The following SLC36A1 variants were observed in gnomAD, a reference collection of about 807,000 sequenced individuals.
The protein encoded by SLC36A1 is solute carrier family 36 member 1.
In SLC36A1, 30 loss-of-function variants were observed where a neutral mutation model predicts 47.5. The observed-to-expected ratio is 0.63, with a 90% confidence interval of 0.47 to 0.86. SLC36A1 has a LOEUF of 0.86. Among genes scored for constraint, SLC36A1 ranks in the 40% least tolerant of loss-of-function variants. The pLI, the probability that SLC36A1 is intolerant of heterozygous loss-of-function variation, is 0.00. For missense variants in SLC36A1, 517 were observed against 606.0 expected, an observed-to-expected ratio of 0.85 and a Z score of 1.54; for synonymous variants, 255 against 249.7, an observed-to-expected ratio of 1.02 and a Z score of -0.20.
the SLC36A1 span, among the ~76,000 whole-genome samples, chr5:151,399,662 A>G: frequency 6.6e-6 from 1 of 152,186 alleles, no homozygotes; most frequent in Non-Finnish European, 1.5e-5. Flanking sequence ...TGAACATCAT[A>G]GTGTGTAAAT....
At chr5:151,411,838 A>G in the SLC36A1 span, among the ~76,000 whole-genome samples, 1 of 144,720 alleles carries the variant, frequency 6.9e-6, no homozygotes, top group Non-Finnish European at 1.5e-5. Context: ...CCTCCTTCAT[A>G]GCATTAATAT....
the SLC36A1 span, among the ~76,000 whole-genome samples, chr5:151,498,112 T>C: frequency 6.6e-6 from 1 of 151,882 alleles, no homozygotes; most frequent in South Asian, 2.1e-4. Flanking sequence ...GCCCGACTAA[T>C]TTTTGTATTT....
the SLC36A1 span, among the ~76,000 whole-genome samples, chr5:151,392,986 A>T: frequency 1.2e-4 from 18 of 151,912 alleles, no homozygotes; most frequent in Non-Finnish European, 1.9e-4. Context: ...TGATCTGTCT[A>T]ATGTTGACAG....
At chr5:151,382,410 G>A in the SLC36A1 span, 1 of 665,798 alleles carries the variant, frequency 1.5e-6, no homozygotes, top group Non-Finnish European at 2.7e-6. Flanking sequence ...CTCCAGGCAA[G>A]CTCCTTGCTC....
the SLC36A1 span, among the ~76,000 whole-genome samples, chr5:151,394,186 T>C: frequency 6.6e-6 from 1 of 152,360 alleles, no homozygotes; most frequent in Admixed American, 6.5e-5. Context: ...TTCTTCCAGT[T>C]GATTGAATCA....
the SLC36A1 span, among the ~76,000 whole-genome samples, chr5:151,417,612 G>T: frequency 7.2e-5 from 11 of 152,310 alleles, no homozygotes; most frequent in East Asian, 1.5e-3. Flanking sequence ...AAGCACTCAA[G>T]AGGTAACTAG....
chr5:151,363,090 T>G, the SLC36A1 span, among the ~76,000 whole-genome samples: 1 of 152,220 alleles, frequency 6.6e-6, no homozygotes, highest in Non-Finnish European at 1.5e-5. Context: ...TTAGAGATTC[T>G]TTGTTATTTA....
chr5:151,380,615 G>A, the SLC36A1 span: 3 of 550,984 alleles, frequency 5.4e-6, no homozygotes, highest in Admixed American at 1.9e-5. Flanking sequence ...GAAGAACTTC[G>A]TCAGTTTGTA....
the SLC36A1 span, chr5:151,534,426 G>A: frequency 6.2e-7 from 1 of 1,607,860 alleles, no homozygotes; most frequent in Non-Finnish European, 8.5e-7. Flanking sequence ...GGGATCCCGG[G>A]CAAATACTAC....
chr5:151,476,542 C>A, intron 8 of SLC36A1, 48 bp from the exon 9 acceptor site: 4 of 1,367,804 alleles, frequency 2.9e-6, no homozygotes, highest in South Asian at 1.9e-5. Context: ...TGGCCATTAA[C>A]TTTTCTTTTT....
chr5:151,475,452 C>G (rs1023024109), intron 8 of SLC36A1, among the ~76,000 whole-genome samples: 1 of 152,190 alleles, frequency 6.6e-6, no homozygotes, highest in African/African-American at 2.4e-5. Context: ...TAGATTGACT[C>G]TTAGTTTTGG....
At chr5:151,545,005 T>G in the SLC36A1 span, 64 of 1,614,036 alleles carry the variant, frequency 4.0e-5, no homozygotes, top group Non-Finnish European at 5.1e-6. Flanking sequence ...GTCCCTCACT[T>G]CCACTGCCAA....
the SLC36A1 span, among the ~76,000 whole-genome samples, chr5:151,372,339 G>A: frequency 6.6e-6 from 1 of 152,146 alleles, no homozygotes; most frequent in African/African-American, 2.4e-5. Context: ...TGGACAGCAT[G>A]TGTGAACAAA....
At chr5:151,379,037 A>G in the SLC36A1 span, among the ~76,000 whole-genome samples, 1 of 152,206 alleles carries the variant, frequency 6.6e-6, no homozygotes, top group African/African-American at 2.4e-5. Context: ...GCAAAGCCCA[A>G]GCCCTGGAAA....
chr5:151,447,534 A>T (rs978416591), upstream of SLC36A1: 1 of 152,286 alleles, frequency 6.6e-6, no homozygotes, highest in Non-Finnish European at 1.5e-5. Flanking sequence ...GCTCAGTGAG[A>T]AAAAAGGCGC....
chr5:151,537,721 A>G, the SLC36A1 span: 1 of 1,442,848 alleles, frequency 6.9e-7, no homozygotes, highest in Non-Finnish European at 9.4e-7. Context: ...TCCAAGGAGA[A>G]TACCATGGCA....
At chr5:151,553,289 G>A in the SLC36A1 span, 1 of 1,614,146 alleles carries the variant, frequency 6.2e-7, no homozygotes, top group African/African-American at 1.3e-5. Flanking sequence ...TCTCATCAAA[G>A]GCCAGAGGGA....
chr5:151,371,210 A>G, the SLC36A1 span, among the ~76,000 whole-genome samples: 1 of 152,176 alleles, frequency 6.6e-6, no homozygotes, highest in Non-Finnish European at 1.5e-5. Flanking sequence ...AGATAAATAA[A>G]TAAATTCAGC....
the SLC36A1 span, among the ~76,000 whole-genome samples, chr5:151,365,223 G>C: frequency 6.6e-6 from 1 of 152,210 alleles, no homozygotes; most frequent in Non-Finnish European, 1.5e-5. Context: ...TCTCCAGCTA[G>C]CTAGAAGTAG....
Sources: allele counts gnomAD v4.1 joint callset (sites outside exome capture counted in the v4.1 genomes callset), GRCh38; gene constraint gnomAD v4.1.1; transcripts MANE v1.5; gene names NCBI Gene and HGNC (gene_info 2026-07-23, HGNC 2026-07-21).